Variants in POU2F3 observed in about 807,000 individuals in gnomAD.
POU2F3 encodes the protein POU class 2 homeobox 3.
In POU2F3, 23 loss-of-function variants were observed where a neutral mutation model predicts 59.2. The observed-to-expected ratio is 0.39, with a 90% CI of 0.28 to 0.55. The LOEUF is 0.55. POU2F3 is among the 20% of genes least tolerant of loss of function. The pLI is 0.66. For missense variants in POU2F3, 473 were observed against 544.5 expected (o/e 0.87, Z 1.31); for synonymous variants, 190 against 214.6 (o/e 0.89, Z 1.00).
At chr11:120,296,081 T>C (rs1266174781) in intron 3 of POU2F3, among the ~76,000 whole-genome samples, 1 of 152,206 alleles carries the variant, frequency 6.6e-6, no homozygotes, top group Non-Finnish European at 1.5e-5. Context: ...AGAAAAATCA[T>C]GGACTATCAT....
At chr11:120,261,515 GC>G (rs1275432273) in intron 2 of POU2F3, among the ~76,000 whole-genome samples, 1 of 152,120 alleles carries the variant, frequency 6.6e-6, no homozygotes, top group East Asian at 1.9e-4. Flanking sequence ...CCAGCTGTTG[GC>G]CCTTCCTACT....
chr11:120,287,724 C>T (rs1376680060), intron 3 of POU2F3, among the ~76,000 whole-genome samples: 1 of 152,078 alleles, frequency 6.6e-6, no homozygotes, highest in Non-Finnish European at 1.5e-5. Context: ...ATAGGTGTAA[C>T]AGGATAGGCA....
Position 120,305,210 on chromosome 11 carries a change from C to G in POU2F3, c.625C>G (p.Gln209Glu). The change falls in exon 7 of 13, where the codon CAG becomes GAG. Residue 209 changes from glutamine (Q) to glutamate (E), a missense_variant and splice_region_variant. Coordinates refer to ENST00000543440, the MANE Select transcript of POU2F3 (RefSeq NM_014352.4). ...KQRRIKLGFT[Q>E]GDVGLAMGKL... is the part of the protein sequence containing the mutation. ...GAGGCGCATTAAGCTGGGCTTCACA[C>G]AGGTTTGGTTTTAGGGGAAAAGATA... 1 of 1,613,306 alleles carries G rather than the reference C, an allele frequency of 6.2e-7. No individual in the cohort carries two copies. Among genetic ancestry groups the G allele is most frequent in the Non-Finnish European group, 8.5e-7 (1 of 1,179,710 alleles).
upstream of POU2F3, chr11:120,236,663 A>C (rs1419603086): frequency 6.7e-7 from 1 of 1,499,082 alleles, no homozygotes; most frequent in Admixed American, 2.0e-5. Flanking sequence ...AGAGCTCAAA[A>C]AACCGGTTTC....
intron 2 of POU2F3, chr11:120,265,918 G>C (rs977014563): frequency 3.3e-5 from 5 of 152,240 alleles, no homozygotes; most frequent in African/African-American, 1.2e-4. Context: ...TTTTGCTGGT[G>C]CCTCCTCATC....
At chr11:120,291,791 T>C (rs1941030235) in intron 3 of POU2F3, among the ~76,000 whole-genome samples, 1 of 150,362 alleles carries the variant, frequency 6.7e-6, no homozygotes, top group Non-Finnish European at 1.5e-5. Context: ...TCTTTATACA[T>C]TATAAATTTC....
intron 5 of POU2F3, 35 bp from the exon 6 acceptor site, chr11:120,302,251 T>C: frequency 6.5e-7 from 1 of 1,529,124 alleles, no homozygotes; most frequent in Non-Finnish European, 9.1e-7. Flanking sequence ...CTGGATTTTA[T>C]TTGTCTGTTC....
chr11:120,242,774 T>C (rs1938719996), intron 1 of POU2F3, among the ~76,000 whole-genome samples: 2 of 152,176 alleles, frequency 1.3e-5, no homozygotes, highest in South Asian at 2.1e-4. Context: ...TTGTACTTTA[T>C]AGAGCATCTC....
intron 2 of POU2F3, among the ~76,000 whole-genome samples, chr11:120,253,250 T>G (rs1223194461): frequency 2.0e-5 from 3 of 147,280 alleles, no homozygotes; most frequent in Non-Finnish European, 3.0e-5. Context: ...GGATGTGCTA[T>G]TAACATTTTT....
intron 10 of POU2F3, among the ~76,000 whole-genome samples, chr11:120,312,170 C>T (rs1353093201): frequency 6.6e-6 from 1 of 151,074 alleles, no homozygotes; most frequent in Non-Finnish European, 1.5e-5. Flanking sequence ...TTTGCCCAGG[C>T]TGGAGTGCAA....
intron 3 of POU2F3, among the ~76,000 whole-genome samples, chr11:120,274,747 T>G (rs901919167): frequency 6.6e-6 from 1 of 151,710 alleles, no homozygotes; most frequent in African/African-American, 2.4e-5. Context: ...TGAGAGGGAA[T>G]GGGATTACCT....
chr11:120,311,148 T>C (rs1426818587), intron 10 of POU2F3, among the ~76,000 whole-genome samples: 1 of 151,666 alleles, frequency 6.6e-6, no homozygotes, highest in Non-Finnish European at 1.5e-5. Context: ...TGTTGAAAGA[T>C]GAGGCTGGAC....
At chr11:120,317,521 T>A (rs1298694218) in intron 12 of POU2F3, among the ~76,000 whole-genome samples, 157 bp downstream of exon 12, 1 of 152,208 alleles carries the variant, frequency 6.6e-6, no homozygotes, top group Non-Finnish European at 1.5e-5. Context: ...AGACTGGACT[T>A]TATCCCTAGG....
intron 2 of POU2F3, among the ~76,000 whole-genome samples, chr11:120,260,742 G>T (rs1464554084): frequency 6.6e-6 from 1 of 152,118 alleles, no homozygotes; most frequent in Non-Finnish European, 1.5e-5. Context: ...GTTAAGTTGG[G>T]TCTTCGATGA....
rs774708658 is a variant in POU2F3, at chr11:120,285,670, G to A, written c.133-12595G>A. ...AGGTAACTCCTTTTATCAGGGTAGC[G>A]TATATATGTCTGGAAGACTTTTTCT... On this transcript the variant is annotated intron_variant, in intron 3 of 12. Transcript: ENST00000543440. The surrounding 1 kb of genome is among the most constrained non-coding windows in gnomAD (Gnocchi z 4.3). Among the ~76,000 whole-genome samples the A allele has an allele frequency of 1.3e-4, 20 of 152,132 alleles. No homozygotes were observed. The highest frequency in any genetic ancestry group is 1.7e-4 in the African/African-American group (7 of 41,424).
chr11:120,299,484 G>T (rs543675911), intron 4 of POU2F3, 140 bp from the exon 5 acceptor site: 1 of 634,540 alleles, frequency 1.6e-6, no homozygotes, highest in South Asian at 2.0e-5. Flanking sequence ...AGACACTGGG[G>T]ATACACAGTG....
chr11:120,295,700 G>C (rs868232322), intron 3 of POU2F3, among the ~76,000 whole-genome samples: 1 of 152,212 alleles, frequency 6.6e-6, no homozygotes, highest in Non-Finnish European at 1.5e-5. Flanking sequence ...GTTTCTTAGA[G>C]ATGCCAAGTG....
intron 9 of POU2F3, among the ~76,000 whole-genome samples, chr11:120,308,073 C>T (rs977784416): frequency 4.6e-5 from 7 of 152,124 alleles, no homozygotes; most frequent in South Asian, 2.1e-4. Flanking sequence ...AGAAAAAAAA[C>T]GCCCATCGCC....
At chr11:120,275,788 G>A (rs749781126) in intron 3 of POU2F3, among the ~76,000 whole-genome samples, 1 of 152,150 alleles carries the variant, frequency 6.6e-6, no homozygotes, top group Non-Finnish European at 1.5e-5. Context: ...GCTCTCCCAT[G>A]CCTGTTTCTG....
Sources: allele counts gnomAD v4.1 joint callset (sites outside exome capture counted in the v4.1 genomes callset), GRCh38; gene constraint gnomAD v4.1.1; non-coding constraint Gnocchi (gnomAD v3.1); transcripts MANE v1.5; gene names NCBI Gene and HGNC (gene_info 2026-07-23, HGNC 2026-07-21).